GREM2: variants seen among roughly 807,000 people sequenced by gnomAD.
GREM2 encodes gremlin 2, DAN family BMP antagonist.
In GREM2, 11 loss-of-function variants were observed where a neutral mutation model predicts 14.2. The observed-to-expected ratio is 0.78, with a 90% CI of 0.49 to 1.28. The LOEUF (loss-of-function observed/expected upper bound fraction) is 1.28. Ranked by LOEUF, GREM2 falls within the 50% of genes most tolerant of loss-of-function variation. GREM2 has a pLI of 0.00. For synonymous variants in GREM2, 98 were observed against 97.6 expected, an observed-to-expected ratio of 1.00 and a Z score of -0.02; for missense variants, 210 against 218.5, an observed-to-expected ratio of 0.96 and a Z score of 0.24.
At chr1:240,593,902 C>T (rs1679761503) in intron 1 of GREM2, among the ~76,000 whole-genome samples, 1 of 151,874 alleles carries the variant, frequency 6.6e-6, no homozygotes, top group African/African-American at 2.4e-5. Flanking sequence ...CACCCTCTTT[C>T]AATTTGAAAA....
chr1:240,584,831 T>A (rs930529572), intron 1 of GREM2, among the ~76,000 whole-genome samples: 2 of 152,190 alleles, frequency 1.3e-5, no homozygotes, highest in Non-Finnish European at 1.5e-5. Flanking sequence ...ACAGGTTACA[T>A]GAAAATACAA....
At position 240,492,828 on chromosome 1, in the gene GREM2, G is replaced by A. The variant is rs867389702; in HGVS notation, c.*141C>T. On this transcript the variant is annotated 3_prime_UTR_variant, in exon 2 of 2. Coordinates refer to ENST00000318160, the MANE Select transcript of GREM2 (RefSeq NM_022469.4). ...GATCCACGTCTGTGACAAGGACACC[G>A]TCAGCCCTAAGAGAAGTGCTTGCTG... 1 of 831,876 alleles carries A rather than the reference G, an allele frequency of 1.2e-6. No homozygotes were observed. 51.5% of individuals were successfully genotyped at this position (831,876 alleles called of 1,614,324 possible).
chr1:240,599,140 C>T (rs939794023), intron 1 of GREM2, among the ~76,000 whole-genome samples: 2 of 151,924 alleles, frequency 1.3e-5, no homozygotes, highest in Admixed American at 6.6e-5. Context: ...TGGTGGTGCA[C>T]GCCTGTAGTC....
intron 1 of GREM2, among the ~76,000 whole-genome samples, chr1:240,584,775 A>G (rs550934452): frequency 1.3e-5 from 2 of 152,280 alleles, no homozygotes; most frequent in African/African-American, 2.4e-5. Context: ...TTGTATTAGT[A>G]TTATAAGTAT....
Position 240,610,069 on chromosome 1 carries a change from C to A in GREM2, c.-2+1815G>T, listed in dbSNP as rs537747950. 3.9e-5 allele frequency among the ~76,000 whole-genome samples: 6 copies of A among 152,064 alleles called. No homozygotes were observed. The South Asian group carries it at 1.0e-3, about 26-fold the overall frequency. ...TAGTCTATACAAAGTGAATATAATC[C>A]GTCTCACACTCACAAAGTTGCTACC... On this transcript the variant is annotated intron_variant, in intron 1 of 1. Coordinates refer to ENST00000318160, the MANE Select transcript of GREM2 (RefSeq NM_022469.4).
intron 1 of GREM2, chr1:240,531,660 A>G: frequency 1.0e-6 from 1 of 984,900 alleles, no homozygotes; most frequent in Non-Finnish European, 1.2e-6. Flanking sequence ...CTGCTCCCTG[A>G]CGTGGACTCA....
At chr1:240,525,449 C>T (rs369718778) in intron 1 of GREM2, among the ~76,000 whole-genome samples, 13 of 151,884 alleles carry the variant, frequency 8.6e-5, no homozygotes, top group African/African-American at 2.9e-4. Context: ...CTATGGCAGC[C>T]GTAGCAAAGG....
chr1:240,573,983 G>T (rs1354476105), intron 1 of GREM2, among the ~76,000 whole-genome samples: 1 of 152,130 alleles, frequency 6.6e-6, no homozygotes. Flanking sequence ...GCAGTGGCTT[G>T]ATCTTGGCTC....
chr1:240,512,967 T>C (rs4614247), intron 1 of GREM2, among the ~76,000 whole-genome samples: 90,356 of 151,558 alleles, frequency 0.6, 28,703 homozygotes, highest in African/African-American at 0.83. Flanking sequence ...CAGTGGTGGG[T>C]ACTAGGAATA....
intron 1 of GREM2, among the ~76,000 whole-genome samples, chr1:240,610,799 A>G (rs1680116473): frequency 6.6e-6 from 1 of 152,164 alleles, no homozygotes; most frequent in African/African-American, 2.4e-5. Flanking sequence ...TGGAGTCCCA[A>G]TCTGTTCCAC....
At chr1:240,502,763 T>G (rs1677598567) in intron 1 of GREM2, among the ~76,000 whole-genome samples, 1 of 152,190 alleles carries the variant, frequency 6.6e-6, no homozygotes, top group Admixed American at 6.5e-5. Context: ...AGAGTCAAGA[T>G]CTCCATTCTT....
intron 1 of GREM2, among the ~76,000 whole-genome samples, chr1:240,573,159 G>A (rs567839694): frequency 2.0e-5 from 3 of 151,906 alleles, no homozygotes; most frequent in South Asian, 2.1e-4. Flanking sequence ...AAAAAATCAC[G>A]ATGAATAAAA....
At chr1:240,582,208 C>T (rs1015450884) in intron 1 of GREM2, among the ~76,000 whole-genome samples, 3 of 152,164 alleles carry the variant, frequency 2.0e-5, no homozygotes, top group African/African-American at 4.8e-5. Flanking sequence ...GAGGCCAAGG[C>T]GGGTGGATCA....
chr1:240,527,902 C>T (rs1039316390), intron 1 of GREM2, among the ~76,000 whole-genome samples: 1 of 152,006 alleles, frequency 6.6e-6, no homozygotes. Context: ...ATGTAATGGC[C>T]TCATGGTTGT....
chr1:240,518,248 AT>A (rs928498375), intron 1 of GREM2, among the ~76,000 whole-genome samples: 1 of 152,146 alleles, frequency 6.6e-6, no homozygotes, highest in African/African-American at 2.4e-5. Context: ...AAAGACACCA[AT>A]TTCTCCCAAT....
At chr1:240,548,920 T>G (rs1315004656) in intron 1 of GREM2, among the ~76,000 whole-genome samples, 1 of 152,224 alleles carries the variant, frequency 6.6e-6, no homozygotes, top group African/African-American at 2.4e-5. Context: ...GAGAAGCTAC[T>G]GAGTAATCCA....
chr1:240,607,488 T>C (rs6686630), intron 1 of GREM2, among the ~76,000 whole-genome samples: 78,682 of 152,100 alleles, frequency 0.52, 21,401 homozygotes, highest in East Asian at 0.85. Flanking sequence ...TTCCATACCA[T>C]TGGTCAAGTT....
chr1:240,551,318 G>A (rs972996683), intron 1 of GREM2, among the ~76,000 whole-genome samples: 7 of 150,406 alleles, frequency 4.7e-5, no homozygotes, highest in Non-Finnish European at 1.0e-4. Flanking sequence ...CGCATTTTCA[G>A]TATAATAGGT....
At chr1:240,510,625 G>A (rs958561806) in intron 1 of GREM2, among the ~76,000 whole-genome samples, 42 of 152,106 alleles carry the variant, frequency 2.8e-4, no homozygotes, top group African/African-American at 8.7e-4. Flanking sequence ...TTAATGTTAC[G>A]TTACGTGAGT....
Sources: gnomAD v4.1 joint callset for allele counts (sites outside exome capture counted in the v4.1 genomes callset) on GRCh38, gnomAD v4.1.1 for gene constraint, MANE v1.5 for transcripts, NCBI Gene and HGNC (gene_info 2026-07-23, HGNC 2026-07-21) for gene names.